BLTP3B: variants seen among roughly 807,000 people sequenced by gnomAD.
The protein encoded by BLTP3B is UHRF1 (ICBP90) binding protein 1-like.
At chr12:100,049,916 TAAAAC>T in the BLTP3B span, among the ~76,000 whole-genome samples, 3 of 152,036 alleles carry the variant, frequency 2.0e-5, no homozygotes, top group African/African-American at 7.2e-5. Context: ...GGAGACGAAA[TAAAAC>T]AAAACAAAAA....
At chr12:100,098,645 T>C in the BLTP3B span, 1 of 1,244,912 alleles carries the variant, frequency 8.0e-7, no homozygotes, top group South Asian at 1.6e-5. Flanking sequence ...CTCATACCTG[T>C]ACTCCCAGCA....
the BLTP3B span, among the ~76,000 whole-genome samples, chr12:100,110,400 C>A: frequency 6.6e-6 from 1 of 152,146 alleles, no homozygotes; most frequent in African/African-American, 2.4e-5. Flanking sequence ...TTCAATACCA[C>A]GACGCTTTCT....
chr12:100,075,377 A>G, the BLTP3B span, among the ~76,000 whole-genome samples: 1 of 152,208 alleles, frequency 6.6e-6, no homozygotes, highest in African/African-American at 2.4e-5. Flanking sequence ...AAGTCAAACT[A>G]TAAAAGTCCT....
the BLTP3B span, chr12:100,108,261 A>T: frequency 9.7e-7 from 1 of 1,035,424 alleles, no homozygotes; most frequent in Non-Finnish European, 1.4e-6. Context: ...TTTTGAAATT[A>T]TATTAATAAA....
chr12:100,130,974 A>AGC, the BLTP3B span, among the ~76,000 whole-genome samples: 3 of 100,564 alleles, frequency 3.0e-5, no homozygotes, highest in African/African-American at 1.9e-4. Flanking sequence ...AGAGAGAGAG[A>AGC]GAGGGAGGGA....
chr12:100,101,403 G>C, the BLTP3B span, among the ~76,000 whole-genome samples: 1 of 152,130 alleles, frequency 6.6e-6, no homozygotes, highest in African/African-American at 2.4e-5. Flanking sequence ...ACACACGAAT[G>C]CATTCATCCT....
At chr12:100,043,095 A>G in the BLTP3B span, among the ~76,000 whole-genome samples, 1 of 152,228 alleles carries the variant, frequency 6.6e-6, no homozygotes, top group Admixed American at 6.5e-5. Context: ...CACCACGCCC[A>G]GCCAGCAATC....
chr12:100,097,273 T>G, the BLTP3B span: 1 of 1,335,794 alleles, frequency 7.5e-7, no homozygotes, highest in Non-Finnish European at 1.0e-6. Flanking sequence ...TTGTTTAAAA[T>G]TTCCTATAGT....
At chr12:100,127,694 T>C in the BLTP3B span, among the ~76,000 whole-genome samples, 4 of 152,166 alleles carry the variant, frequency 2.6e-5, no homozygotes, top group Admixed American at 2.6e-4. Flanking sequence ...TAGAAGAGAA[T>C]GCTGTAAAAC....
At chr12:100,109,796 G>C in the BLTP3B span, among the ~76,000 whole-genome samples, 1 of 151,232 alleles carries the variant, frequency 6.6e-6, no homozygotes, top group African/African-American at 2.4e-5. Context: ...ATTGGAAATA[G>C]TTAATGTAAG....
At chr12:100,067,652 C>G in the BLTP3B span, among the ~76,000 whole-genome samples, 1 of 151,946 alleles carries the variant, frequency 6.6e-6, no homozygotes. Flanking sequence ...ATTAGATAGT[C>G]TGAACAGACC....
chr12:100,142,644 G>A, the BLTP3B span: 1 of 1,607,576 alleles, frequency 6.2e-7, no homozygotes. Context: ...ATGGTACCGA[G>A]GCTGGAGACG....
the BLTP3B span, among the ~76,000 whole-genome samples, chr12:100,090,155 C>A: frequency 6.6e-6 from 1 of 152,172 alleles, no homozygotes; most frequent in African/African-American, 2.4e-5. Context: ...AAATAAAGCA[C>A]ATCTTTGTAG....
At chr12:100,060,030 G>T in the BLTP3B span, 4 of 1,594,894 alleles carry the variant, frequency 2.5e-6, no homozygotes, top group Non-Finnish European at 3.4e-6. Flanking sequence ...GGCTATAGAG[G>T]TTGGGAGATG....
At chr12:100,142,141 T>C in the BLTP3B span, among the ~76,000 whole-genome samples, 4 of 151,992 alleles carry the variant, frequency 2.6e-5, no homozygotes, top group Non-Finnish European at 4.4e-5. Context: ...CCACTGAGCG[T>C]CCACACTGCG....
At chr12:100,102,580 G>C in the BLTP3B span, among the ~76,000 whole-genome samples, 1 of 151,972 alleles carries the variant, frequency 6.6e-6, no homozygotes. Context: ...TAATAGCAAG[G>C]AAAGCAAGAT....
the BLTP3B span, chr12:100,142,456 C>G: frequency 1.0e-6 from 1 of 965,814 alleles, no homozygotes; most frequent in Non-Finnish European, 1.5e-6. Flanking sequence ...GCGACCTCTG[C>G]CCCGGCCAGA....
chr12:100,137,919 T>A, the BLTP3B span, among the ~76,000 whole-genome samples: 3 of 152,218 alleles, frequency 2.0e-5, no homozygotes, highest in Admixed American at 2.0e-4. Context: ...TTGCCATTGC[T>A]AATTGAACCA....
the BLTP3B span, among the ~76,000 whole-genome samples, chr12:100,074,369 C>T: frequency 4.6e-5 from 7 of 152,064 alleles, no homozygotes; most frequent in East Asian, 1.9e-4. Flanking sequence ...GAGGCTGAGG[C>T]GGGCAGATCA....
Sources: allele counts gnomAD v4.1 joint callset (sites outside exome capture counted in the v4.1 genomes callset), GRCh38; gene constraint gnomAD v4.1.1; transcripts MANE v1.5; gene names NCBI Gene and HGNC (gene_info 2026-07-23, HGNC 2026-07-21).